The following RABGAP1L variants were observed in gnomAD, a reference collection of about 807,000 sequenced individuals.
RABGAP1L encodes rab GTPase-activating protein 1-like.
A neutral mutation model predicts 137.7 loss-of-function variants in RABGAP1L; 63 were observed. That is an observed-to-expected ratio of 0.46 (90% CI 0.37 to 0.56). The LOEUF is 0.56. Among genes scored for constraint, RABGAP1L ranks in the 20% least tolerant of loss-of-function variants. RABGAP1L has a pLI of 0.00. For synonymous variants in RABGAP1L, 431 were observed against 433.7 expected, an observed-to-expected ratio of 0.99 and a Z score of 0.08; for missense variants, 1,095 against 1,244.0, an observed-to-expected ratio of 0.88 and a Z score of 1.80.
At chr1:174,499,922 T>C (rs375135248) in intron 13 of RABGAP1L, among the ~76,000 whole-genome samples, 2 of 152,216 alleles carry the variant, frequency 1.3e-5, no homozygotes, top group Non-Finnish European at 2.9e-5. Context: ...TAATAACTTC[T>C]AAACTGTTTA....
At position 174,990,143 on chromosome 1, in the gene RABGAP1L, A is replaced by G. The variant is rs1671963797; in HGVS notation, c.*142A>G. The G allele has an allele frequency of 2.8e-6, 3 of 1,090,228 alleles. No individual in the cohort carries two copies. Among genetic ancestry groups the G allele is most frequent in the Non-Finnish European group, 3.8e-6 (3 of 779,352 alleles). The allele number at this position is 1,090,228 out of a possible 1,614,324, so 67.5% of individuals were successfully genotyped here. A position where few individuals can be genotyped will look rare whatever the true frequency, so the allele number is the denominator to read the frequency against. On this transcript the variant is annotated 3_prime_UTR_variant, in exon 26 of 26. Transcript: ENST00000681986. The stretch of plus-strand genomic sequence containing the variant: ...TTCAGTAGCTCTCACTCTTTCTTGT[A>G]TGACACTTTTCAAAGGGATGCTATT...
In RABGAP1L at chr1:174,441,556, G is replaced by A. The variant is rs564399704; in HGVS notation, c.1710+47411G>A. Among the ~76,000 whole-genome samples the A allele has an allele frequency of 2.0e-5, 3 of 152,192 alleles. No individual in the cohort carries two copies. In the East Asian group the frequency reaches 5.8e-4, roughly 29 times the overall value. On this transcript the variant is annotated intron_variant, in intron 13 of 25. Transcript: ENST00000681986. ...TTGAGACCAGCCTGACCAACATGGT[G>A]AAACCCTGTCTCTACTAAAAATACA...
At chr1:174,621,372 C>A (rs112519002) in intron 13 of RABGAP1L, among the ~76,000 whole-genome samples, 6 of 152,268 alleles carry the variant, frequency 3.9e-5, no homozygotes, top group African/African-American at 1.4e-4. Flanking sequence ...TCATATGGAA[C>A]CAAAAATGAA....
chr1:174,643,937 G>GTGTGTA (rs1005827199), intron 14 of RABGAP1L, among the ~76,000 whole-genome samples: 1 of 135,402 alleles, frequency 7.4e-6, no homozygotes, highest in Non-Finnish European at 1.5e-5. Context: ...GTGTGTGTGT[G>GTGTGTA]TGTGTATGTA....
At chr1:174,441,735 AAAACAAAC>A (rs568316315) in intron 13 of RABGAP1L, among the ~76,000 whole-genome samples, 55 of 152,138 alleles carry the variant, frequency 3.6e-4, no homozygotes, top group Non-Finnish European at 1.3e-4. Context: ...ACTCTGTCTC[AAAACAAAC>A]AAACAAACAA....
At chr1:174,300,600 C>G (rs1677596058) in intron 10 of RABGAP1L, among the ~76,000 whole-genome samples, 1 of 149,472 alleles carries the variant, frequency 6.7e-6, no homozygotes, top group Non-Finnish European at 1.5e-5. Flanking sequence ...TTTGGGAAGG[C>G]TGTTAAATGT....
At chr1:174,861,897 T>A (rs1163895951) in intron 19 of RABGAP1L, among the ~76,000 whole-genome samples, 1 of 152,198 alleles carries the variant, frequency 6.6e-6, no homozygotes, top group Non-Finnish European at 1.5e-5. Flanking sequence ...TTCCATTTTC[T>A]AGGTTGCATT....
intron 13 of RABGAP1L, among the ~76,000 whole-genome samples, chr1:174,456,847 T>C (rs891406449): frequency 6.6e-5 from 10 of 152,188 alleles, no homozygotes; most frequent in Non-Finnish European, 1.5e-4. Flanking sequence ...TTTATGCTAC[T>C]TATTTAAACA....
At chr1:174,694,512 C>T (rs1468254218) in intron 15 of RABGAP1L, among the ~76,000 whole-genome samples, 4 of 151,600 alleles carry the variant, frequency 2.6e-5, no homozygotes, top group African/African-American at 9.7e-5. Flanking sequence ...ATCCATGTCC[C>T]TACAAAGGAC....
chr1:174,724,539 T>A (rs1258326109), intron 17 of RABGAP1L, among the ~76,000 whole-genome samples: 2 of 152,220 alleles, frequency 1.3e-5, no homozygotes, highest in African/African-American at 4.8e-5. Context: ...TAATATCTCA[T>A]CAACTTAACA....
chr1:174,254,853 A>G (rs1263702570), intron 7 of RABGAP1L, among the ~76,000 whole-genome samples: 3 of 152,172 alleles, frequency 2.0e-5, no homozygotes, highest in Non-Finnish European at 2.9e-5. Context: ...GTATATACGC[A>G]GTAATGGGAT....
intron 13 of RABGAP1L, among the ~76,000 whole-genome samples, chr1:174,537,264 A>C (rs895851312): frequency 3.9e-5 from 6 of 152,182 alleles, no homozygotes; most frequent in Non-Finnish European, 8.8e-5. Context: ...GGTTGAACCA[A>C]ATGCAAAGTA....
At chr1:174,752,026 G>C (rs1023990292) in intron 17 of RABGAP1L, among the ~76,000 whole-genome samples, 3 of 152,052 alleles carry the variant, frequency 2.0e-5, no homozygotes, top group African/African-American at 7.2e-5. Context: ...CAAGGAACTT[G>C]ACTTTCACAA....
intron 17 of RABGAP1L, among the ~76,000 whole-genome samples, chr1:174,741,776 T>C (rs1476286112): frequency 6.7e-6 from 1 of 149,878 alleles, no homozygotes; most frequent in Non-Finnish European, 1.5e-5. Context: ...TTATACCATG[T>C]TGTGGCATTT....
At chr1:174,586,511 C>G (rs555516125) in intron 13 of RABGAP1L, among the ~76,000 whole-genome samples, 25 of 152,052 alleles carry the variant, frequency 1.6e-4, no homozygotes, top group Admixed American at 1.3e-3. Flanking sequence ...ATGTAACAAA[C>G]CTGCACATCC....
chr1:174,580,219 C>T (rs1668633817), intron 13 of RABGAP1L, among the ~76,000 whole-genome samples: 1 of 152,162 alleles, frequency 6.6e-6, no homozygotes, highest in African/African-American at 2.4e-5. Context: ...AGGAAATTTG[C>T]AAATCATATC....
chr1:174,281,805 A>G (rs776752033), intron 10 of RABGAP1L, among the ~76,000 whole-genome samples: 1 of 152,216 alleles, frequency 6.6e-6, no homozygotes, highest in Admixed American at 6.5e-5. Flanking sequence ...ATTTATACAC[A>G]TGAATAATTA....
chr1:174,238,461 T>G (rs1179709961), intron 4 of RABGAP1L, among the ~76,000 whole-genome samples: 1 of 152,148 alleles, frequency 6.6e-6, no homozygotes, highest in Non-Finnish European at 1.5e-5. Context: ...TGGATGTCCT[T>G]TCTGTTTTTA....
chr1:174,843,696 A>C, intron 19 of RABGAP1L, among the ~76,000 whole-genome samples: 1 of 75,616 alleles, frequency 1.3e-5, no homozygotes, highest in Admixed American at 1.7e-4. Flanking sequence ...ATACGTGTGC[A>C]TGTGTCTTTA....
Sources: allele counts gnomAD v4.1 joint callset (sites outside exome capture counted in the v4.1 genomes callset), GRCh38; gene constraint gnomAD v4.1.1; transcripts MANE v1.5; gene names NCBI Gene and HGNC (gene_info 2026-07-23, HGNC 2026-07-21).